The following GALNT13 variants were observed in gnomAD, a reference collection of about 807,000 sequenced individuals.
GALNT13 encodes the protein UDP-GalNAc:polypeptide N-acetylgalactosaminyltransferase 13.
A neutral mutation model predicts 64.2 loss-of-function variants in GALNT13; 28 were observed. The ratio of observed to expected loss-of-function variants is 0.44; its 90% CI spans 0.32 to 0.60. The LOEUF is 0.60. Ranked by LOEUF, GALNT13 falls within the 20% of genes least tolerant of loss-of-function variation. The probability of loss-of-function intolerance (pLI) is 0.05; values close to 1 mark genes in which losing one functional copy is unlikely to be tolerated. For synonymous variants in GALNT13, 214 were observed against 224.6 expected (o/e 0.95, Z 0.42); for missense variants, 577 against 669.8 (o/e 0.86, Z 1.53).
the GALNT13 span, among the ~76,000 whole-genome samples, chr2:153,719,454 G>T: frequency 6.6e-6 from 1 of 152,174 alleles, no homozygotes; most frequent in African/African-American, 2.4e-5. Context: ...TATGGGGGGA[G>T]GAGCCAAGAT....
At chr2:153,536,163 T>C in the GALNT13 span, among the ~76,000 whole-genome samples, 4 of 152,188 alleles carry the variant, frequency 2.6e-5, no homozygotes, top group African/African-American at 7.2e-5. Context: ...GGTTTTCTTT[T>C]CTCTCCCATC....
chr2:154,002,905 C>T (rs1696004817), intron 3 of GALNT13, among the ~76,000 whole-genome samples: 1 of 152,174 alleles, frequency 6.6e-6, no homozygotes, highest in South Asian at 2.1e-4. Context: ...ACTCACTGCC[C>T]TTCTGCTGTT....
chr2:154,190,425 C>G (rs538544144), intron 4 of GALNT13, among the ~76,000 whole-genome samples: 3 of 152,116 alleles, frequency 2.0e-5, no homozygotes, highest in African/African-American at 7.2e-5. Flanking sequence ...TTAAAAAGAA[C>G]CAAATATAAT....
chr2:153,956,169 C>T (rs930018520), intron 3 of GALNT13, among the ~76,000 whole-genome samples: 1 of 152,112 alleles, frequency 6.6e-6, no homozygotes, highest in African/African-American at 2.4e-5. Context: ...ACACTGTTCC[C>T]ACAGACCTCT....
the GALNT13 span, among the ~76,000 whole-genome samples, chr2:153,702,479 T>A: frequency 3.3e-5 from 5 of 151,584 alleles, no homozygotes; most frequent in African/African-American, 9.7e-5. Flanking sequence ...AATAAATAAA[T>A]AAAAAATAAG....
chr2:153,993,045 G>C (rs1391151395), intron 3 of GALNT13, among the ~76,000 whole-genome samples: 1 of 152,026 alleles, frequency 6.6e-6, no homozygotes, highest in African/African-American at 2.4e-5. Flanking sequence ...GATTAGGAAA[G>C]GTTAGTTCAA....
the GALNT13 span, among the ~76,000 whole-genome samples, chr2:153,664,134 T>A: frequency 6.6e-6 from 1 of 152,078 alleles, no homozygotes; most frequent in Non-Finnish European, 1.5e-5. Flanking sequence ...TGACTAGAAA[T>A]CACCAGGCTG....
At chr2:153,513,856 T>G in the GALNT13 span, among the ~76,000 whole-genome samples, 1 of 152,210 alleles carries the variant, frequency 6.6e-6, no homozygotes, top group South Asian at 2.1e-4. Flanking sequence ...CGGTTTTCTG[T>G]GTGTTTGAAG....
intron 3 of GALNT13, among the ~76,000 whole-genome samples, chr2:154,043,257 C>T (rs955753073): frequency 4.0e-5 from 6 of 151,046 alleles, no homozygotes; most frequent in East Asian, 2.0e-4. Context: ...TAGTTGATAT[C>T]GGAAAGCAAA....
At chr2:153,115,279 A>G in the GALNT13 span, among the ~76,000 whole-genome samples, 1 of 152,208 alleles carries the variant, frequency 6.6e-6, no homozygotes, top group Non-Finnish European at 1.5e-5. Flanking sequence ...CAAGTTATCC[A>G]GGAAGCACTG....
At position 153,872,055 on chromosome 2, in the gene GALNT13, C is replaced by T. The variant is rs958587073; in HGVS notation, c.-425C>T. ...TCAGCCCGCCGCTGCGCTATGAAGG[C>T]CCCTCTCTGGGGCTGGCCGAGGCTG... On this transcript the variant is annotated 5_prime_UTR_variant, in exon 1 of 13. Transcript: ENST00000392825. The T allele has an allele frequency of 2.6e-5, 4 of 152,184 alleles. No homozygotes were observed. Among genetic ancestry groups the T allele is most frequent in the African/African-American group, 7.2e-5 (3 of 41,436 alleles). 9.4% of individuals were successfully genotyped at this position (152,184 alleles called of 1,614,324 possible). A position where few individuals can be genotyped will look rare whatever the true frequency, so the allele number is the denominator to read the frequency against.
intron 4 of GALNT13, among the ~76,000 whole-genome samples, chr2:154,165,764 G>A (rs1684988829): frequency 6.6e-6 from 1 of 152,134 alleles, no homozygotes; most frequent in Admixed American, 6.5e-5. Flanking sequence ...TTGAGCTGGA[G>A]AAAGTGAAAT....
chr2:153,082,954 A>C, the GALNT13 span, among the ~76,000 whole-genome samples: 1 of 151,144 alleles, frequency 6.6e-6, no homozygotes, highest in Non-Finnish European at 1.5e-5. Flanking sequence ...TCAGCCTCCC[A>C]AGTGTCTGGG....
intron 3 of GALNT13, among the ~76,000 whole-genome samples, chr2:154,062,737 G>T (rs1700255703): frequency 6.6e-6 from 1 of 152,126 alleles, no homozygotes; most frequent in Admixed American, 6.5e-5. Flanking sequence ...CATGAGATTT[G>T]AATGGGGACA....
the GALNT13 span, chr2:153,449,649 G>T: frequency 1.2e-5 from 2 of 160,846 alleles, no homozygotes; most frequent in Non-Finnish European, 2.7e-5. Context: ...AATTTATAAA[G>T]AAGATAAATT....
chr2:153,256,952 G>A, the GALNT13 span, among the ~76,000 whole-genome samples: 1 of 152,254 alleles, frequency 6.6e-6, no homozygotes, highest in Non-Finnish European at 1.5e-5. Flanking sequence ...GAGGCAGGCA[G>A]GCCTCCTTGA....
At chr2:154,397,381 A>G (rs1297228411) in intron 10 of GALNT13, among the ~76,000 whole-genome samples, 1 of 152,132 alleles carries the variant, frequency 6.6e-6, no homozygotes, top group Non-Finnish European at 1.5e-5. Context: ...GGAGCTTGCA[A>G]TGAGCCGAGA....
chr2:154,423,614 A>G (rs756524925), intron 11 of GALNT13, among the ~76,000 whole-genome samples: 69 of 152,164 alleles, frequency 4.5e-4, no homozygotes, highest in Non-Finnish European at 6.9e-4. Flanking sequence ...GGTGTTACTT[A>G]TAAATCTAAC....
At chr2:153,642,340 T>C in the GALNT13 span, among the ~76,000 whole-genome samples, 102 of 151,942 alleles carry the variant, frequency 6.7e-4, no homozygotes, top group African/African-American at 1.8e-3. Flanking sequence ...CATTTTATTC[T>C]AATACTATAT....
Sources: gnomAD v4.1 joint callset for allele counts (sites outside exome capture counted in the v4.1 genomes callset) on GRCh38, gnomAD v4.1.1 for gene constraint, MANE v1.5 for transcripts, NCBI Gene and HGNC (gene_info 2026-07-23, HGNC 2026-07-21) for gene names.